KCNIP1: variants seen among roughly 807,000 people sequenced by gnomAD.
KCNIP1 encodes the protein potassium voltage-gated channel interacting protein 1, also known as A-type potassium channel modulatory protein KCNIP1.
KCNIP1 carries 18 observed loss-of-function variants against 33.0 expected under a neutral mutation model. The ratio of observed to expected loss-of-function variants is 0.55; its 90% confidence interval spans 0.38 to 0.81. The LOEUF is 0.81. KCNIP1 is among the 30% of genes least tolerant of loss of function. KCNIP1 has a pLI of 0.00. For missense variants in KCNIP1, 238 were observed against 271.6 expected (o/e 0.88, Z 0.87); for synonymous variants, 93 against 98.3 (o/e 0.95, Z 0.32).
chr5:170,705,947 A>C (rs1763244412), intron 1 of KCNIP1, among the ~76,000 whole-genome samples: 1 of 152,182 alleles, frequency 6.6e-6, no homozygotes. Context: ...ACCTTATCTC[A>C]CTTAGATTTA....
At chr5:170,402,090 C>T (rs1477894793) in intron 1 of KCNIP1, among the ~76,000 whole-genome samples, 1 of 152,164 alleles carries the variant, frequency 6.6e-6, no homozygotes, top group African/African-American at 2.4e-5. Context: ...TTCATGTGGC[C>T]TTCTCCTGCT....
At chr5:170,516,684 A>G (rs1036953511) in intron 1 of KCNIP1, among the ~76,000 whole-genome samples, 2 of 152,196 alleles carry the variant, frequency 1.3e-5, no homozygotes, top group Non-Finnish European at 2.9e-5. Flanking sequence ...AGAAAAAGAT[A>G]TGGTGTGTTG....
intron 1 of KCNIP1, among the ~76,000 whole-genome samples, chr5:170,586,430 TG>T (rs763942327): frequency 2.6e-5 from 4 of 152,172 alleles, no homozygotes; most frequent in Non-Finnish European, 5.9e-5. Flanking sequence ...AAAGCCCTCA[TG>T]GGTCTTAGAA....
rs184917872 is a variant in KCNIP1, at chr5:170,616,332, G to C, written c.62-102426G>C. 2.6e-3 allele frequency among the ~76,000 whole-genome samples: 400 copies of C among 152,090 alleles called. 6 individuals carry two copies. The highest frequency in any genetic ancestry group is 6.8e-3 in the Middle Eastern group (2 of 294). ...ACCCTGGGCCAGGCACACTGAGGTG[G>C]GCCTTGGGATTCATCAGGGATCAAA... On this transcript the variant is annotated intron_variant, in intron 1 of 7. Transcript: ENST00000328939.
chr5:170,442,459 G>T (rs1297400440), intron 1 of KCNIP1, among the ~76,000 whole-genome samples: 1 of 152,130 alleles, frequency 6.6e-6, no homozygotes, highest in African/African-American at 2.4e-5. Context: ...AACCATCTAG[G>T]ATCCACCCTG....
chr5:170,473,610 C>T (rs893546462), intron 1 of KCNIP1, among the ~76,000 whole-genome samples: 1 of 152,136 alleles, frequency 6.6e-6, no homozygotes, highest in African/African-American at 2.4e-5. Context: ...AGCACCAGGG[C>T]CCCTGGCAGC....
Position 170,702,262 on chromosome 5 carries a change from G to A in KCNIP1, c.62-16496G>A, listed in dbSNP as rs561978606. ...GAGTTAATAAGGTTGTGAAAAGAAC[G>A]TTAGATTACTGGAAGGATTCATCTG... On this transcript the variant is annotated intron_variant, in intron 1 of 7. Transcript: ENST00000328939. Among the ~76,000 whole-genome samples, 10 of 152,278 alleles carry A rather than the reference G, an allele frequency of 6.6e-5. No individual in the cohort carries two copies. The South Asian group carries it at 1.0e-3, about 16-fold the overall frequency.
intron 1 of KCNIP1, among the ~76,000 whole-genome samples, chr5:170,361,935 C>G (rs910433961): frequency 6.6e-6 from 1 of 152,206 alleles, no homozygotes; most frequent in African/African-American, 2.4e-5. Context: ...AAATATTCAG[C>G]CCATTGCACT....
intron 1 of KCNIP1, among the ~76,000 whole-genome samples, chr5:170,575,191 C>A (rs565940844): frequency 1.9e-4 from 29 of 152,162 alleles, no homozygotes; most frequent in African/African-American, 6.3e-4. Context: ...GTTTTGCAGT[C>A]GTATTTGTGT....
At chr5:170,520,516 A>G (rs1479809946) in intron 1 of KCNIP1, among the ~76,000 whole-genome samples, 1 of 152,180 alleles carries the variant, frequency 6.6e-6, no homozygotes, top group Non-Finnish European at 1.5e-5. Flanking sequence ...CTCGCACATC[A>G]TTGGAACTGA....
At chr5:170,553,619 G>C (rs1401459633) in intron 1 of KCNIP1, among the ~76,000 whole-genome samples, 1 of 152,218 alleles carries the variant, frequency 6.6e-6, no homozygotes, top group African/African-American at 2.4e-5. Flanking sequence ...GAGCTGTTCT[G>C]TGGCACAATT....
chr5:170,485,630 G>A (rs1757074520), intron 1 of KCNIP1, among the ~76,000 whole-genome samples: 1 of 152,234 alleles, frequency 6.6e-6, no homozygotes, highest in African/African-American at 2.4e-5. Context: ...TCAGGGCTGA[G>A]CTTCACTTCC....
intron 1 of KCNIP1, among the ~76,000 whole-genome samples, chr5:170,646,261 T>C (rs1007536602): frequency 6.6e-6 from 1 of 152,188 alleles, no homozygotes; most frequent in Non-Finnish European, 1.5e-5. Flanking sequence ...AATATTACCC[T>C]AATACCAAAA....
chr5:170,399,166 C>T (rs1019625075), intron 1 of KCNIP1, among the ~76,000 whole-genome samples: 1 of 152,126 alleles, frequency 6.6e-6, no homozygotes, highest in African/African-American at 2.4e-5. Context: ...AATCTTTTAC[C>T]CTAAGCCTGC....
At position 170,504,295 on chromosome 5, in the gene KCNIP1, TG is replaced by T. The variant is rs1754616492; in HGVS notation, c.-275del. On this transcript the variant is annotated 5_prime_UTR_variant, in exon 1 of 8. An upstream open reading frame in the 5' UTR loses its in-frame stop. Coordinates refer to ENST00000328939, the MANE Select transcript of KCNIP1 (RefSeq NM_014592.4). This position sits in a 1 kb window ranked among gnomAD's most constrained non-coding sequence, Gnocchi z 6.0. ...GGCTTCAGGGCACCGTCCTCGGCCC[TG>T]GGCGAGGGAACCGCCGGGCCGGGTC... is the stretch of plus-strand genomic sequence containing the variant. 3 of 1,333,606 alleles carry T rather than the reference TG, an allele frequency of 2.2e-6. No individual in the cohort carries two copies. The highest frequency in any genetic ancestry group is 2.9e-6 in the Non-Finnish European group (3 of 1,044,660). The allele number at this position is 1,333,606 out of a possible 1,614,324, so 82.6% of individuals were successfully genotyped here.
At chr5:170,561,078 G>A (rs1321390863) in intron 1 of KCNIP1, 3 of 455,884 alleles carry the variant, frequency 6.6e-6, no homozygotes, top group East Asian at 1.4e-4. Flanking sequence ...CTGTGCTGTG[G>A]GTTTGTTTCC....
intron 1 of KCNIP1, among the ~76,000 whole-genome samples, chr5:170,559,807 T>G (rs1756970229): frequency 6.6e-6 from 1 of 152,200 alleles, no homozygotes; most frequent in African/African-American, 2.4e-5. Context: ...TAAAGCTGCC[T>G]CAAGGTAGGC....
chr5:170,727,269 A>G (rs1764041301), intron 5 of KCNIP1, among the ~76,000 whole-genome samples: 1 of 152,228 alleles, frequency 6.6e-6, no homozygotes, highest in Non-Finnish European at 1.5e-5. Flanking sequence ...CTATAGTAAC[A>G]GAAATTAGAT....
At chr5:170,550,052 A>C (rs111737315) in intron 1 of KCNIP1, among the ~76,000 whole-genome samples, 2,328 of 152,286 alleles carry the variant, frequency 0.015, 71 homozygotes, top group African/African-American at 0.053. Context: ...ACTGTCGTGG[A>C]GGCATTAAGA....
Sources: gnomAD v4.1 joint callset for allele counts (sites outside exome capture counted in the v4.1 genomes callset) on GRCh38, gnomAD v4.1.1 for gene constraint, Gnocchi (gnomAD v3.1) non-coding constraint, MANE v1.5 for transcripts, NCBI Gene and HGNC (gene_info 2026-07-23, HGNC 2026-07-21) for gene names.